Variants in BCL2L11 observed in about 807,000 individuals in gnomAD.
BCL2L11 encodes the protein BCL2 like 11.
BCL2L11 carries 15 observed loss-of-function variants against 20.6 expected under a neutral mutation model. That is an observed-to-expected ratio of 0.73 (90% CI 0.49 to 1.12). The LOEUF (loss-of-function observed/expected upper bound fraction) is 1.12, where lower values mean the gene tolerates loss of function less well. BCL2L11 is among the 50% of genes most tolerant of loss of function. The pLI, the probability that BCL2L11 is intolerant of heterozygous loss-of-function variation, is 0.00. For synonymous variants in BCL2L11, 108 were observed against 92.8 expected (o/e 1.16, Z -0.94); for missense variants, 292 against 260.9 (o/e 1.12, Z -0.82).
At chr2:111,157,016 G>A (rs1421551818) in intron 3 of BCL2L11, among the ~76,000 whole-genome samples, 2 of 152,330 alleles carry the variant, frequency 1.3e-5, no homozygotes, top group Middle Eastern at 3.4e-3. Flanking sequence ...CACATGCTGT[G>A]TCTGGGTGTA....
chr2:111,148,470 G>T (rs578034170), intron 2 of BCL2L11, among the ~76,000 whole-genome samples: 3 of 152,278 alleles, frequency 2.0e-5, no homozygotes, highest in Non-Finnish European at 2.9e-5. Flanking sequence ...CAGAAATTTT[G>T]TTTTCTCCCA....
intron 2 of BCL2L11, chr2:111,132,199 G>T (rs2074078255): frequency 6.6e-6 from 1 of 152,174 alleles, no homozygotes; most frequent in African/African-American, 2.4e-5. Context: ...AAATGAGGGA[G>T]ATTCTCAGGC....
At chr2:111,132,281 T>C (rs1427853026) in intron 2 of BCL2L11, 1 of 152,148 alleles carries the variant, frequency 6.6e-6, no homozygotes, top group Non-Finnish European at 1.5e-5. Flanking sequence ...ACGAGATAAA[T>C]ACTGTTAATA....
chr2:111,123,227 C>T, intron 1 of BCL2L11: 1 of 985,482 alleles, frequency 1.0e-6, no homozygotes, highest in Non-Finnish European at 1.2e-6. Context: ...GCACTTACTA[C>T]GACTGACGGC....
intron 3 of BCL2L11, among the ~76,000 whole-genome samples, chr2:111,158,852 C>T (rs2078210780): frequency 6.6e-6 from 1 of 152,208 alleles, no homozygotes; most frequent in African/African-American, 2.4e-5. Context: ...TCCTTGATGT[C>T]ATGTCTGATC....
At chr2:111,123,134 C>A (rs943590067) in intron 1 of BCL2L11, 19 of 983,286 alleles carry the variant, frequency 1.9e-5, no homozygotes, top group Non-Finnish European at 2.3e-5. Flanking sequence ...GCGTGCGGTA[C>A]GGGAGCGGGA....
At chr2:111,140,600 G>T (rs775076097) in intron 2 of BCL2L11, among the ~76,000 whole-genome samples, 5 of 152,180 alleles carry the variant, frequency 3.3e-5, no homozygotes, top group Non-Finnish European at 5.9e-5. Context: ...GGGATGTGTG[G>T]TGGAGAAAAG....
intron 3 of BCL2L11, among the ~76,000 whole-genome samples, chr2:111,163,831 CTT>C (rs1335230072): frequency 3.7e-5 from 5 of 135,214 alleles, no homozygotes; most frequent in African/African-American, 1.4e-4. Context: ...TTTACATCCT[CTT>C]TGAGTTTTTC....
At chr2:111,151,811 A>G in intron 3 of BCL2L11, 1 of 1,535,120 alleles carries the variant, frequency 6.5e-7, no homozygotes, top group Non-Finnish European at 8.8e-7. Context: ...TTCTTAAAAT[A>G]CTGTCTTAAG....
chr2:111,159,560 C>A (rs1206188360), intron 3 of BCL2L11, among the ~76,000 whole-genome samples: 1 of 152,244 alleles, frequency 6.6e-6, no homozygotes, highest in Non-Finnish European at 1.5e-5. Context: ...GCTGTTCAAC[C>A]TGACCAGTTC....
At chr2:111,145,371 A>G (rs1028765076) in intron 2 of BCL2L11, among the ~76,000 whole-genome samples, 1 of 152,120 alleles carries the variant, frequency 6.6e-6, no homozygotes, top group Admixed American at 6.6e-5. Flanking sequence ...GAATGTCATG[A>G]TGTGACTTCA....
rs1353175912 is a variant in BCL2L11 at position 111,147,383 on chromosome 2, CA to C, written c.395-2660del. On this transcript the variant is annotated intron_variant, in intron 2 of 3. Transcript: ENST00000393256. Reference sequence around the variant, plus strand: ...ACACACACACACACACACACACACACACACACACCCGCCATTTCTCCCTGCC... The same window carrying C: ...ACACACACACACACACACACACACACCACACACCCGCCATTTCTCCCTGCC... Among the ~76,000 whole-genome samples, 35 of 150,204 alleles carry C rather than the reference CA, an allele frequency of 2.3e-4. 1 individual carries two copies. The highest frequency in any genetic ancestry group is 6.8e-4 in the African/African-American group (28 of 41,330).
Position 111,163,575 on chromosome 2 carries a change from G to A in BCL2L11, c.499-558G>A, listed in dbSNP as rs3789059. 1,242 of 152,936 alleles carry A rather than the reference G, an allele frequency of 8.1e-3. 42 individuals are homozygous for A. In the East Asian group the frequency reaches 0.12, roughly 14 times the overall value. 9.5% of individuals were successfully genotyped at this position (152,936 alleles called of 1,614,324 possible). On this transcript the variant is annotated intron_variant, in intron 3 of 3. Coordinates refer to ENST00000393256, the MANE Select transcript of BCL2L11 (RefSeq NM_138621.5). The stretch of plus-strand genomic sequence containing the variant: ...GCTCTTTCCTTCCCATACCGAGAAG[G>A]TGGGAGGATGGGGGTTGACATTGCC...
intron 3 of BCL2L11, among the ~76,000 whole-genome samples, chr2:111,162,151 C>G (rs1420707665): frequency 6.6e-6 from 1 of 152,222 alleles, no homozygotes; most frequent in Non-Finnish European, 1.5e-5. Flanking sequence ...AACAGCAGCT[C>G]CAGCCGGCCG....
At chr2:111,129,192 A>G (rs1237053596) in intron 2 of BCL2L11, among the ~76,000 whole-genome samples, 1 of 152,276 alleles carries the variant, frequency 6.6e-6, no homozygotes, top group Non-Finnish European at 1.5e-5. Context: ...TTCAAAAAGT[A>G]GATGGTAGAG....
chr2:111,130,352 C>G (rs2073691696), intron 2 of BCL2L11: 31 of 231,098 alleles, frequency 1.3e-4, no homozygotes, highest in South Asian at 1.2e-3. Flanking sequence ...GATCTGCCCG[C>G]CTTGGCCTCC....
intron 2 of BCL2L11, among the ~76,000 whole-genome samples, chr2:111,148,740 C>A (rs1459974547): frequency 6.6e-6 from 1 of 152,172 alleles, no homozygotes; most frequent in Admixed American, 6.5e-5. Context: ...CTGCCACCCC[C>A]ACAGGGGTGG....
At chr2:111,153,488 T>C (rs1451442156) in intron 3 of BCL2L11, among the ~76,000 whole-genome samples, 1 of 152,192 alleles carries the variant, frequency 6.6e-6, no homozygotes, top group East Asian at 1.9e-4. Context: ...GTCCATTGTC[T>C]GGAATCACAC....
intron 1 of BCL2L11, among the ~76,000 whole-genome samples, chr2:111,121,495 G>C (rs1248178744): frequency 6.6e-6 from 1 of 152,084 alleles, no homozygotes; most frequent in Non-Finnish European, 1.5e-5. Context: ...GAGGCAGCGC[G>C]TGCCTTTCGG....
Sources: allele counts gnomAD v4.1 joint callset (sites outside exome capture counted in the v4.1 genomes callset), GRCh38; gene constraint gnomAD v4.1.1; transcripts MANE v1.5; gene names NCBI Gene and HGNC (gene_info 2026-07-23, HGNC 2026-07-21).